Variants in ADAM22 observed in about 807,000 individuals in gnomAD.
ADAM22 encodes ADAM metallopeptidase domain 22.
A neutral mutation model predicts 144.6 loss-of-function variants in ADAM22; 65 were observed. The observed-to-expected ratio is 0.45, with a 90% confidence interval of 0.37 to 0.55. The LOEUF is 0.55. Among genes scored for constraint, ADAM22 ranks in the 20% least tolerant of loss-of-function variants. ADAM22 has a pLI of 0.00. For synonymous variants in ADAM22, 391 were observed against 412.6 expected (o/e 0.95, Z 0.63); for missense variants, 974 against 1,184.9 (o/e 0.82, Z 2.61).
chr7:88,112,636 A>G (rs1047912713), intron 5 of ADAM22, among the ~76,000 whole-genome samples: 3 of 152,186 alleles, frequency 2.0e-5, no homozygotes, highest in Non-Finnish European at 2.9e-5. Flanking sequence ...GGCCATTTGT[A>G]TATTGAAGTG....
chr7:88,016,376 A>G (rs905735913), intron 3 of ADAM22, among the ~76,000 whole-genome samples: 1 of 152,240 alleles, frequency 6.6e-6, no homozygotes, highest in Non-Finnish European at 1.5e-5. Context: ...TTCTAGAACA[A>G]TGGGAAATGT....
chr7:87,948,462 C>A (rs924482982), intron 2 of ADAM22, among the ~76,000 whole-genome samples: 2 of 152,088 alleles, frequency 1.3e-5, no homozygotes, highest in South Asian at 2.1e-4. Context: ...TTTAATGTCC[C>A]TTCTGCCCTT....
At chr7:88,059,836 A>G (rs1809269950) in intron 3 of ADAM22, among the ~76,000 whole-genome samples, 1 of 152,192 alleles carries the variant, frequency 6.6e-6, no homozygotes, top group South Asian at 2.1e-4. Flanking sequence ...GGACATAATG[A>G]TAGAAACAAT....
intron 2 of ADAM22, among the ~76,000 whole-genome samples, chr7:87,967,635 C>T (rs1303615936): frequency 1.3e-5 from 2 of 151,686 alleles, no homozygotes; most frequent in East Asian, 1.9e-4. Context: ...TGGTGAAACC[C>T]GTCTCTACTA....
chr7:88,114,463 T>G (rs2129489688), intron 5 of ADAM22, 121 bp from the exon 6 acceptor site: 1 of 799,344 alleles, frequency 1.3e-6, no homozygotes, highest in South Asian at 1.5e-5. Context: ...AGGTGATGGA[T>G]GGGACTGGGA....
intron 4 of ADAM22, among the ~76,000 whole-genome samples, chr7:88,077,261 A>G (rs1814836772): frequency 6.6e-6 from 1 of 152,206 alleles, no homozygotes; most frequent in African/African-American, 2.4e-5. Context: ...TCTGAAGATA[A>G]TTGAGTTTTT....
At chr7:88,071,163 C>T (rs1437164921) in intron 3 of ADAM22, among the ~76,000 whole-genome samples, 1 of 151,996 alleles carries the variant, frequency 6.6e-6, no homozygotes, top group Non-Finnish European at 1.5e-5. Flanking sequence ...GGTGATTTAT[C>T]AGGACAGATC....
chr7:88,165,820 T>A lies in ADAM22; in HGVS notation c.2077-12T>A. 6.3e-7 allele frequency: 1 copy of A among 1,582,334 alleles called. No individual in the cohort carries two copies. Among genetic ancestry groups the A allele is most frequent in the Non-Finnish European group, 8.6e-7 (1 of 1,161,526 alleles). ...GAGTTGACATTTACTCTAGCTTGATTTTGGATCTCAGGTTTGCAGTAATGA... is the reference window on the plus strand; with the variant it reads ...GAGTTGACATTTACTCTAGCTTGATATTGGATCTCAGGTTTGCAGTAATGA... On this transcript the variant is annotated splice_polypyrimidine_tract_variant and intron_variant, in intron 23 of 31. Coordinates refer to ENST00000413139, the MANE Select transcript of ADAM22 (RefSeq NM_001324418.2).
At chr7:88,112,014 G>A (rs1329270922) in intron 5 of ADAM22, among the ~76,000 whole-genome samples, 3 of 152,096 alleles carry the variant, frequency 2.0e-5, no homozygotes, top group African/African-American at 7.3e-5. Flanking sequence ...TACTTTGTTG[G>A]TGTTGCCACG....
chr7:88,041,676 T>A (rs1165770224), intron 3 of ADAM22, among the ~76,000 whole-genome samples: 2 of 152,000 alleles, frequency 1.3e-5, no homozygotes, highest in African/African-American at 4.8e-5. Context: ...TTCTGGACAA[T>A]TTAACATGCT....
intron 15 of ADAM22, among the ~76,000 whole-genome samples, chr7:88,143,690 A>G (rs1190683253): frequency 6.6e-6 from 1 of 152,218 alleles, no homozygotes; most frequent in Non-Finnish European, 1.5e-5. Flanking sequence ...TTCCTCCTGC[A>G]TTTTGAAGAC....
At chr7:88,152,014 A>G (rs1838531020) in intron 20 of ADAM22, among the ~76,000 whole-genome samples, 1 of 152,170 alleles carries the variant, frequency 6.6e-6, no homozygotes, top group African/African-American at 2.4e-5. Context: ...TCAGGAGACA[A>G]TTTGTAGTAG....
chr7:88,023,049 T>G (rs1798173869), intron 3 of ADAM22, among the ~76,000 whole-genome samples: 1 of 152,228 alleles, frequency 6.6e-6, no homozygotes. Flanking sequence ...TGTTTATAAG[T>G]ATCTGAAACC....
chr7:88,043,563 C>G lies in ADAM22; in HGVS notation c.324-32063C>G, dbSNP rs141843500. Reference sequence around the variant, plus strand: ...CCATATTATAGAAAATGTATGCTAGCCAGTCTCAGTGGCATGCGCATGTAG... The same window carrying G: ...CCATATTATAGAAAATGTATGCTAGGCAGTCTCAGTGGCATGCGCATGTAG... On this transcript the variant is annotated intron_variant, in intron 3 of 31. Transcript: ENST00000413139. Among the ~76,000 whole-genome samples the G allele has an allele frequency of 2.8e-3, 421 of 151,632 alleles. 1 individual carries two copies. Among genetic ancestry groups the G allele is most frequent in the Non-Finnish European group, 4.7e-3 (320 of 67,936 alleles).
Position 88,051,264 on chromosome 7 carries a change from C to T in ADAM22, c.324-24362C>T, listed in dbSNP as rs1260548408. ...GACACATGCACATGTATGTTTATTG[C>T]GGCACTATTCACAATAGCAAAGACT... is the stretch of plus-strand genomic sequence containing the variant. On this transcript the variant is annotated intron_variant, in intron 3 of 31. Transcript: ENST00000413139. Among the ~76,000 whole-genome samples the T allele has an allele frequency of 1.7e-4, 26 of 152,202 alleles. No homozygotes were observed. In the South Asian group the frequency reaches 1.9e-3, roughly 11 times the overall value.
At chr7:87,959,033 T>C (rs1390942354) in intron 2 of ADAM22, among the ~76,000 whole-genome samples, 4 of 152,210 alleles carry the variant, frequency 2.6e-5, no homozygotes, top group Non-Finnish European at 5.9e-5. Flanking sequence ...GTCTGTGTAT[T>C]ACTTTATCAC....
intron 3 of ADAM22, among the ~76,000 whole-genome samples, chr7:88,043,240 C>T (rs1803606800): frequency 1.3e-5 from 2 of 150,656 alleles, no homozygotes; most frequent in South Asian, 2.1e-4. Flanking sequence ...ATATTCTATA[C>T]TTTGGGAGGC....
intron 1 of ADAM22, 126 bp downstream of exon 1, chr7:87,934,676 T>G: frequency 1.0e-6 from 1 of 1,000,446 alleles, no homozygotes; most frequent in East Asian, 2.8e-5. Flanking sequence ...TTTTTTTTTT[T>G]TTTTAATTCG....
At chr7:88,013,496 C>T (rs976668144) in intron 3 of ADAM22, among the ~76,000 whole-genome samples, 2 of 152,190 alleles carry the variant, frequency 1.3e-5, no homozygotes, top group East Asian at 3.8e-4. Flanking sequence ...ACAGTCATAG[C>T]TAACTGCAGC....
Sources: allele counts gnomAD v4.1 joint callset (sites outside exome capture counted in the v4.1 genomes callset), GRCh38; gene constraint gnomAD v4.1.1; transcripts MANE v1.5; gene names NCBI Gene and HGNC (gene_info 2026-07-23, HGNC 2026-07-21).